The following SASH1 variants were observed in gnomAD, a reference collection of about 807,000 sequenced individuals.
SASH1 encodes the protein SAM and SH3 domain containing 1.
Under a neutral mutation model 125.2 loss-of-function variants are expected in SASH1, and 44 were observed. The ratio of observed to expected loss-of-function variants is 0.35; its 90% CI spans 0.28 to 0.45. SASH1 has a LOEUF of 0.45. Among genes scored for constraint, SASH1 ranks in the 20% least tolerant of loss-of-function variants. The pLI, the probability that SASH1 is intolerant of heterozygous loss-of-function variation, is 1.00. For synonymous variants in SASH1, 639 were observed against 649.1 expected (o/e 0.98, Z 0.24); for missense variants, 1,426 against 1,614.5 (o/e 0.88, Z 2.00).
intron 2 of SASH1, among the ~76,000 whole-genome samples, chr6:148,432,184 A>C (rs1423245047): frequency 6.6e-6 from 1 of 152,118 alleles, no homozygotes; most frequent in Admixed American, 6.5e-5. Flanking sequence ...CATGTTGGTT[A>C]GGCTGGTCTC....
chr6:148,404,388 T>C (rs557166328), intron 2 of SASH1, among the ~76,000 whole-genome samples: 9 of 152,274 alleles, frequency 5.9e-5, no homozygotes, highest in Non-Finnish European at 1.3e-4. Flanking sequence ...GTAAACCTAT[T>C]TTTTAAATAT....
chr6:148,527,640 A>T (rs1361213634), intron 12 of SASH1, 44 bp downstream of exon 12: 21 of 1,576,652 alleles, frequency 1.3e-5, no homozygotes, highest in Non-Finnish European at 1.8e-5. Context: ...TCTTCCTGAC[A>T]AGAAAAGCTG....
intron 1 of SASH1, among the ~76,000 whole-genome samples, chr6:148,365,249 A>T (rs1247534194): frequency 6.6e-6 from 1 of 152,074 alleles, no homozygotes; most frequent in Non-Finnish European, 1.5e-5. Flanking sequence ...ACAACCCATG[A>T]TTGCTTTTTT....
intron 1 of SASH1, among the ~76,000 whole-genome samples, chr6:148,284,790 A>G (rs934157056): frequency 6.6e-6 from 1 of 152,214 alleles, no homozygotes; most frequent in African/African-American, 2.4e-5. Flanking sequence ...TCAAATTTAA[A>G]CAAATGCTAT....
At chr6:148,286,525 T>C (rs1243648890) in intron 1 of SASH1, among the ~76,000 whole-genome samples, 3 of 152,144 alleles carry the variant, frequency 2.0e-5, no homozygotes, top group Non-Finnish European at 4.4e-5. Context: ...CCCAGAGGCT[T>C]GAAGTTGGAG....
intron 2 of SASH1, among the ~76,000 whole-genome samples, chr6:148,437,982 A>G (rs1320476298): frequency 6.6e-6 from 1 of 152,204 alleles, no homozygotes; most frequent in Non-Finnish European, 1.5e-5. Flanking sequence ...AAATAAAAGA[A>G]GATCGTTTCC....
intron 7 of SASH1, chr6:148,480,321 TAAAAAAAAA>T (rs67748460): frequency 8.2e-6 from 1 of 122,366 alleles, no homozygotes; most frequent in African/African-American, 3.1e-5. Context: ...AACTCCATCT[TAAAAAAAAA>T]AAAAAAAAAA....
intron 4 of SASH1, among the ~76,000 whole-genome samples, chr6:148,467,801 A>T (rs1214873773): frequency 6.6e-6 from 1 of 152,104 alleles, no homozygotes; most frequent in East Asian, 1.9e-4. Flanking sequence ...GCCAGGCGTG[A>T]TGGCGCATAC....
At chr6:148,439,798 G>A (rs561281528) in intron 2 of SASH1, among the ~76,000 whole-genome samples, 4 of 152,094 alleles carry the variant, frequency 2.6e-5, no homozygotes, top group South Asian at 4.2e-4. Context: ...AATTGGATTG[G>A]AAGTCTAGTG....
chr6:148,352,800 C>T (rs992788051), intron 1 of SASH1, among the ~76,000 whole-genome samples: 6 of 151,752 alleles, frequency 4.0e-5, no homozygotes, highest in African/African-American at 1.5e-4. Flanking sequence ...GAAACCCCAC[C>T]TCCACTAAAA....
chr6:148,289,774 T>A (rs1402206481), intron 1 of SASH1, among the ~76,000 whole-genome samples: 1 of 151,878 alleles, frequency 6.6e-6, no homozygotes, highest in Non-Finnish European at 1.5e-5. Context: ...TGCATTTATA[T>A]CCTGACAGCA....
intron 1 of SASH1, among the ~76,000 whole-genome samples, chr6:148,277,807 C>G (rs1333338394): frequency 6.6e-6 from 1 of 152,044 alleles, no homozygotes; most frequent in Non-Finnish European, 1.5e-5. Context: ...AGCTCCGCCT[C>G]CCGGGTTCAA....
At chr6:148,511,373 A>ACC (rs1554266968) in intron 8 of SASH1, among the ~76,000 whole-genome samples, 6 of 129,756 alleles carry the variant, frequency 4.6e-5, no homozygotes, top group Non-Finnish European at 6.6e-5. Context: ...ACACACACAC[A>ACC]CCTTGGATGA....
chr6:148,341,250 A>G (rs1582987426), upstream of SASH1, among the ~76,000 whole-genome samples: 1 of 150,004 alleles, frequency 6.7e-6, no homozygotes, highest in Non-Finnish European at 1.5e-5. Flanking sequence ...GGTTCAAGCT[A>G]TTCTCCTGCC....
rs1172579787 is a variant in SASH1 at position 148,377,219 on chromosome 6, CAAACA to C, written c.157-12911_157-12907del. ...ACAAAAAAAAAACAAAACAAACAAA[CAAACA>C]AAAAAAAACACAAAAGATGAAACTC... On this transcript the variant is annotated intron_variant, in intron 1 of 19. Transcript: ENST00000367467. Among the ~76,000 whole-genome samples, 110 of 134,940 alleles carry C rather than the reference CAAACA, an allele frequency of 8.2e-4. 1 individual carries two copies. Among genetic ancestry groups the C allele is most frequent in the Non-Finnish European group, 1.5e-3 (90 of 61,026 alleles). The allele number at this position is 134,940 out of a possible 152,430, so 88.5% of individuals were successfully genotyped here.
the SASH1 span, among the ~76,000 whole-genome samples, chr6:148,244,319 A>G: frequency 3.3e-5 from 5 of 152,314 alleles, no homozygotes; most frequent in South Asian, 4.1e-4. Context: ...TATTCCTTGC[A>G]TGTTTACACT....
In SASH1 at chr6:148,533,875, C is replaced by A. The variant is rs1490946724; in HGVS notation, c.1839C>A (p.Leu613=). Residue 613 remains leucine (L), a synonymous_variant, in exon 15 of 20, where the codon CTC becomes CTA. Coordinates refer to ENST00000367467, the MANE Select transcript of SASH1 (RefSeq NM_015278.5). The surrounding 1 kb of genome is among the most constrained non-coding windows in gnomAD (Gnocchi z 6.2). ...GTFKFIYVDV[L]SEDEEKPKRP... Reference sequence around the variant, plus strand: ...TCAAGTTCATCTACGTGGACGTGCTCAGTGAAGACGAGGAGAAACCCAAAC... The same window carrying A: ...TCAAGTTCATCTACGTGGACGTGCTAAGTGAAGACGAGGAGAAACCCAAAC... 2 of 1,614,030 alleles carry A rather than the reference C, an allele frequency of 1.2e-6. No homozygotes were observed. Among genetic ancestry groups the A allele is most frequent in the Non-Finnish European group, 1.7e-6 (2 of 1,179,982 alleles).
intron 1 of SASH1, among the ~76,000 whole-genome samples, chr6:148,280,095 A>G (rs944810582): frequency 7.6e-6 from 1 of 131,574 alleles, no homozygotes; most frequent in Admixed American, 9.1e-5. Flanking sequence ...AACAAAAGAA[A>G]AAAAAGATTG....
chr6:148,288,597 A>G (rs956040000), intron 1 of SASH1, among the ~76,000 whole-genome samples: 2 of 152,120 alleles, frequency 1.3e-5, no homozygotes, highest in Admixed American at 6.6e-5. Flanking sequence ...CCTGACTTCA[A>G]GAATATGTGA....
Sources: gnomAD v4.1 joint callset for allele counts (sites outside exome capture counted in the v4.1 genomes callset) on GRCh38, gnomAD v4.1.1 for gene constraint, Gnocchi (gnomAD v3.1) non-coding constraint, MANE v1.5 for transcripts, NCBI Gene and HGNC (gene_info 2026-07-23, HGNC 2026-07-21) for gene names.